Variants in BRINP3 observed in about 807,000 individuals in gnomAD.
BRINP3 encodes the protein BMP/retinoic acid-inducible neural-specific protein 3.
BRINP3 carries 19 observed loss-of-function variants against 71.0 expected under a neutral mutation model. That is an observed-to-expected ratio of 0.27 (90% CI 0.19 to 0.39). BRINP3 has a LOEUF of 0.39. BRINP3 is among the 10% of genes least tolerant of loss of function. BRINP3 has a pLI of 1.00. For missense variants in BRINP3, 959 were observed against 940.8 expected, an observed-to-expected ratio of 1.02 and a Z score of -0.25; for synonymous variants, 380 against 337.7, an observed-to-expected ratio of 1.13 and a Z score of -1.37.
At chr1:190,173,424 C>G (rs1266587554) in intron 6 of BRINP3, among the ~76,000 whole-genome samples, 2 of 152,142 alleles carry the variant, frequency 1.3e-5, no homozygotes, top group African/African-American at 4.8e-5. Flanking sequence ...AAAGCTGGAG[C>G]AGCCACACTG....
chr1:190,329,943 A>G (rs1666857146), intron 2 of BRINP3, among the ~76,000 whole-genome samples: 1 of 152,036 alleles, frequency 6.6e-6, no homozygotes, highest in Non-Finnish European at 1.5e-5. Flanking sequence ...TCTGCAGAAG[A>G]ATGAAACTGG....
At chr1:190,142,441 G>A (rs1655532427) in intron 7 of BRINP3, among the ~76,000 whole-genome samples, 1 of 152,048 alleles carries the variant, frequency 6.6e-6, no homozygotes, top group East Asian at 1.9e-4. Context: ...TTAAAGAAAG[G>A]TTTTTGCTTT....
At chr1:190,260,078 A>AT (rs1661048385) in intron 4 of BRINP3, among the ~76,000 whole-genome samples, 1 of 151,398 alleles carries the variant, frequency 6.6e-6, no homozygotes, top group Admixed American at 6.6e-5. Context: ...CACAAAAAAA[A>AT]AAAAGAAAAA....
At chr1:190,165,436 A>G (rs1157814013) in intron 6 of BRINP3, among the ~76,000 whole-genome samples, 1 of 70,262 alleles carries the variant, frequency 1.4e-5, no homozygotes, top group Non-Finnish European at 2.5e-5. Context: ...GCTCTGTTTC[A>G]TTGGCTGTTT....
In BRINP3 at chr1:190,249,640, G is replaced by A. The variant is rs796151200; in HGVS notation, c.619-15163C>T. 2.5e-4 allele frequency among the ~76,000 whole-genome samples: 38 copies of A among 151,754 alleles called. 1 individual carries two copies. The highest frequency in any genetic ancestry group is 8.9e-4 in the African/African-American group (37 of 41,442). On this transcript the variant is annotated intron_variant, in intron 4 of 7. Transcript: ENST00000367462. ...TTACATCATCATTTTCAATGGAAAG[G>A]ATTCCATTTGGTTTTCAAACTTTAA... is the stretch of plus-strand genomic sequence containing the variant.
intron 2 of BRINP3, among the ~76,000 whole-genome samples, chr1:190,335,507 T>C (rs1398759979): frequency 2.0e-5 from 3 of 151,882 alleles, no homozygotes; most frequent in South Asian, 2.1e-4. Flanking sequence ...GAACCTCATA[T>C]TGTTAAAGAA....
At chr1:190,375,573 GA>G (rs1670134231) in intron 2 of BRINP3, among the ~76,000 whole-genome samples, 1 of 151,798 alleles carries the variant, frequency 6.6e-6, no homozygotes. Context: ...ATTTTAATAG[GA>G]AAGAGACCAA....
chr1:190,136,902 A>G (rs1455714099), intron 7 of BRINP3, among the ~76,000 whole-genome samples: 2 of 151,984 alleles, frequency 1.3e-5, no homozygotes, highest in Non-Finnish European at 2.9e-5. Flanking sequence ...CCAGTCATTT[A>G]TTTAAATTGA....
intron 6 of BRINP3, among the ~76,000 whole-genome samples, chr1:190,219,138 GA>G (rs1558075936): frequency 6.6e-6 from 1 of 151,966 alleles, no homozygotes. Context: ...AACTATAAAT[GA>G]AAAAAATTGG....
intron 2 of BRINP3, among the ~76,000 whole-genome samples, chr1:190,416,081 T>A (rs867696233): frequency 6.6e-6 from 1 of 152,190 alleles, no homozygotes; most frequent in Non-Finnish European, 1.5e-5. Flanking sequence ...AGTTGACATA[T>A]GGCACACCAC....
Position 190,208,488 on chromosome 1 carries a change from G to GTTTA in BRINP3, c.961+17590_961+17593dup, listed in dbSNP as rs983752057. On this transcript the variant is annotated intron_variant, in intron 6 of 7. Transcript: ENST00000367462. ...ATGTACTTTATTTATTTATTTGTTT[G>GTTTA]TTTATTTATTTATTTATTTTTTGAG... Among the ~76,000 whole-genome samples, 13 of 151,798 alleles carry GTTTA rather than the reference G, an allele frequency of 8.6e-5. No homozygotes were observed. In the South Asian group the frequency reaches 1.5e-3, roughly 17 times the overall value.
chr1:190,364,113 A>T (rs1456948665), intron 2 of BRINP3, among the ~76,000 whole-genome samples: 1 of 152,174 alleles, frequency 6.6e-6, no homozygotes, highest in Admixed American at 6.6e-5. Flanking sequence ...TTCAAAAGAA[A>T]TTTTTAAACT....
chr1:190,157,829 T>C (rs1656999637), intron 7 of BRINP3, among the ~76,000 whole-genome samples: 1 of 152,072 alleles, frequency 6.6e-6, no homozygotes, highest in Non-Finnish European at 1.5e-5. Context: ...TGAATGACTG[T>C]ATTTAAAAAG....
At chr1:190,339,447 G>A (rs1335408201) in intron 2 of BRINP3, among the ~76,000 whole-genome samples, 1 of 151,954 alleles carries the variant, frequency 6.6e-6, no homozygotes, top group Non-Finnish European at 1.5e-5. Context: ...CTGAGTTAAT[G>A]ACCTAGAAGA....
rs72729168 is a variant in BRINP3, at chr1:190,215,252, A to C, written c.961+10830T>G. Reference sequence around the variant, plus strand: ...GCTTGTCTTACATTAATCAGAGAGTAATTCTGGATATCAATATAAGCTCAA... The same window carrying C: ...GCTTGTCTTACATTAATCAGAGAGTCATTCTGGATATCAATATAAGCTCAA... On this transcript the variant is annotated intron_variant, in intron 6 of 7. Coordinates refer to ENST00000367462, the MANE Select transcript of BRINP3 (RefSeq NM_199051.3). 7.4e-3 allele frequency among the ~76,000 whole-genome samples: 1,116 copies of C among 151,348 alleles called. 5 individuals are homozygous for C. The highest frequency in any genetic ancestry group is 0.012 in the Non-Finnish European group (811 of 67,860).
chr1:190,224,079 G>A (rs539380193), intron 6 of BRINP3, among the ~76,000 whole-genome samples: 2 of 151,504 alleles, frequency 1.3e-5, no homozygotes, highest in African/African-American at 4.8e-5. Flanking sequence ...AGCAATTTAC[G>A]GATTCAGCAC....
At chr1:190,346,218 C>G (rs1161565593) in intron 2 of BRINP3, among the ~76,000 whole-genome samples, 1 of 151,682 alleles carries the variant, frequency 6.6e-6, no homozygotes, top group Admixed American at 6.6e-5. Flanking sequence ...ACTGCAAAAG[C>G]CTTATTACCT....
At chr1:190,334,140 T>C (rs1667139064) in intron 2 of BRINP3, among the ~76,000 whole-genome samples, 1 of 151,774 alleles carries the variant, frequency 6.6e-6, no homozygotes, top group South Asian at 2.1e-4. Flanking sequence ...ATCATGAAAA[T>C]TTCAGGTTAA....
chr1:190,374,484 A>G (rs1414197692), intron 2 of BRINP3, among the ~76,000 whole-genome samples: 1 of 152,186 alleles, frequency 6.6e-6, no homozygotes, highest in Non-Finnish European at 1.5e-5. Context: ...AAGTGTAAAC[A>G]CTAAAAAGGA....
Sources: gnomAD v4.1 joint callset for allele counts (sites outside exome capture counted in the v4.1 genomes callset) on GRCh38, gnomAD v4.1.1 for gene constraint, MANE v1.5 for transcripts, NCBI Gene and HGNC (gene_info 2026-07-23, HGNC 2026-07-21) for gene names.